The following SERAC1 variants were observed in gnomAD, a reference collection of about 807,000 sequenced individuals.
SERAC1 encodes protein SERAC1.
In SERAC1, 36 loss-of-function variants were observed where a neutral mutation model predicts 85.7. The ratio of observed to expected loss-of-function variants is 0.42; its 90% CI spans 0.32 to 0.55. SERAC1 has a LOEUF of 0.55. SERAC1 is among the 20% of genes least tolerant of loss of function. SERAC1 has a pLI of 0.11. For synonymous variants in SERAC1, 242 were observed against 265.3 expected (o/e 0.91, Z 0.85); for missense variants, 629 against 796.2 (o/e 0.79, Z 2.53).
At chr6:158,118,618 CAAAAAA>C (rs576637812) in intron 12 of SERAC1, among the ~76,000 whole-genome samples, 3 of 90,396 alleles carry the variant, frequency 3.3e-5, no homozygotes, top group South Asian at 8.1e-4. Context: ...ACCCTCATCT[CAAAAAA>C]AAAAAAAAAA....
rs577307715 is a variant in SERAC1 at position 158,119,498 on chromosome 6, A to G, written c.1167-328T>C. 9.2e-5 allele frequency among the ~76,000 whole-genome samples: 14 copies of G among 152,378 alleles called. No homozygotes were observed. In the East Asian group the frequency reaches 2.3e-3, roughly 25 times the overall value. The stretch of plus-strand genomic sequence containing the variant: ...AAAGACTTCCATTTGAGAATATTCT[A>G]CAAATCAATAAAAGTATTTAAGAAA... On this transcript the variant is annotated intron_variant, in intron 11 of 16. Transcript: ENST00000647468. The surrounding 1 kb of genome is among the most constrained non-coding windows in gnomAD (Gnocchi z 4.5).
chr6:158,110,998 T>G lies in SERAC1; in HGVS notation c.*368A>C, dbSNP rs1030504992. ...TCTTAATGGCATTTTTATGGTAAGT[T>G]GAGTTACCTCAGAACCTGCCGTGCC... On this transcript the variant is annotated 3_prime_UTR_variant, in exon 17 of 17. Coordinates refer to ENST00000647468, the MANE Select transcript of SERAC1 (RefSeq NM_032861.4). The G allele has an allele frequency of 6.3e-6, 1 of 159,576 alleles. No individual in the cohort carries two copies. Among genetic ancestry groups the G allele is most frequent in the African/African-American group, 2.4e-5 (1 of 41,744 alleles). The allele number at this position is 159,576 out of a possible 1,614,324, so 9.9% of individuals were successfully genotyped here.
chr6:158,158,342 C>T lies in SERAC1; in HGVS notation c.22G>A (p.Val8Ile), dbSNP rs115387731. 5.4e-4 allele frequency: 872 copies of T among 1,613,486 alleles called. No homozygotes were observed. Among genetic ancestry groups the T allele is most frequent in the East Asian group, 3.1e-3 (137 of 44,864 alleles). The change falls in exon 2 of 17, where the codon GTC (valine) becomes ATC (isoleucine). Residue 8 changes from valine (V) to isoleucine (I), a missense_variant. Physicochemically the swap from Val to Ile is conservative, Grantham distance 29. Transcript: ENST00000647468. MSLAAYCVICCRRIGTST... is the reference protein window; with the variant it reads MSLAAYCIICCRRIGTST... ...GTTCCTATTCTTCTGCAACAGATGA[C>T]GCAATAAGCAGCCAGGGACATTCTG... is the stretch of plus-strand genomic sequence containing the variant.
Position 158,109,544 on chromosome 6 carries a change from G to A in SERAC1, c.*1822C>T, listed in dbSNP as rs773050551. The A allele has an allele frequency of 6.6e-6, 1 of 152,080 alleles. No individual in the cohort carries two copies. Among genetic ancestry groups the A allele is most frequent in the Non-Finnish European group, 1.5e-5 (1 of 68,030 alleles). 9.4% of individuals were successfully genotyped at this position (152,080 alleles called of 1,614,324 possible). On this transcript the variant is annotated 3_prime_UTR_variant, in exon 17 of 17. Transcript: ENST00000647468. ...TTGTTGATATCGAGTTTATTGATGA[G>A]CCATTTACCTTCAGATGCCATACTC...
At chr6:158,165,441 C>A (rs2128426609) in intron 1 of SERAC1, among the ~76,000 whole-genome samples, 1 of 152,322 alleles carries the variant, frequency 6.6e-6, no homozygotes, top group Non-Finnish European at 1.5e-5. Context: ...AAGCGTGAGC[C>A]ACCGTGCCCG....
At position 158,116,285 on chromosome 6, in the gene SERAC1, G is replaced by A; in HGVS notation, c.1404-3C>T. 6.2e-7 allele frequency: 1 copy of A among 1,613,090 alleles called. No individual in the cohort carries two copies. Among genetic ancestry groups the A allele is most frequent in the Non-Finnish European group, 8.5e-7 (1 of 1,179,204 alleles). On this transcript the variant is annotated splice_polypyrimidine_tract_variant and splice_region_variant and intron_variant, in intron 13 of 16. Coordinates refer to ENST00000647468, the MANE Select transcript of SERAC1 (RefSeq NM_032861.4). ...TGCTTCTGAATGCAATGGACTTTCT[G>A]AACAAAACAAAAACAGCAGGCATGA...
At chr6:158,126,124 A>G (rs927329755) in intron 10 of SERAC1, among the ~76,000 whole-genome samples, 3 of 152,170 alleles carry the variant, frequency 2.0e-5, no homozygotes, top group African/African-American at 7.2e-5. Context: ...GTATGTATGT[A>G]TATCTATATA....
intron 8 of SERAC1, among the ~76,000 whole-genome samples, chr6:158,141,376 A>T (rs1339194617): frequency 1.3e-5 from 2 of 152,134 alleles, no homozygotes; most frequent in African/African-American, 4.8e-5. Flanking sequence ...TGATTATACA[A>T]CTCTATGAGT....
intron 15 of SERAC1, among the ~76,000 whole-genome samples, chr6:158,114,214 C>A (rs369764132): frequency 6.6e-6 from 1 of 152,106 alleles, no homozygotes; most frequent in East Asian, 1.9e-4. Flanking sequence ...AAGGCACGTA[C>A]GGAAAACACA....
At chr6:158,152,602 C>G (rs568292487) in intron 3 of SERAC1, among the ~76,000 whole-genome samples, 15 of 152,180 alleles carry the variant, frequency 9.9e-5, no homozygotes, top group Non-Finnish European at 2.1e-4. Flanking sequence ...GGCCCTCACT[C>G]TCACTCACCC....
At position 158,111,415 on chromosome 6, in the gene SERAC1, C is replaced by T. The variant is rs768913919; in HGVS notation, c.1916G>A (p.Arg639His). 72 of 1,610,536 alleles carry T rather than the reference C, an allele frequency of 4.5e-5. 1 individual carries two copies. The Middle Eastern group carries it at 5.0e-4, about 11-fold the overall frequency. ...PKKKDAFLYQ[R>H]TLQFIREALA... ...AGCTTCACGAATGAATTGTAAAGTACGCTGGTACAAAAAAGCATCCTTTTT... is the reference window on the plus strand; with the variant it reads ...AGCTTCACGAATGAATTGTAAAGTATGCTGGTACAAAAAAGCATCCTTTTT... The change falls in exon 17 of 17, where the codon CGT becomes CAT. Residue 639 changes from arginine (R) to histidine (H), a missense_variant. Physicochemically the swap from Arg to His is conservative, Grantham distance 29. Coordinates refer to ENST00000647468, the MANE Select transcript of SERAC1 (RefSeq NM_032861.4).
At chr6:158,151,299 T>C (rs1002895419) in intron 3 of SERAC1, among the ~76,000 whole-genome samples, 6 of 152,182 alleles carry the variant, frequency 3.9e-5, no homozygotes, top group Non-Finnish European at 5.9e-5. Flanking sequence ...TAGTCTCAGC[T>C]ATTCGGGAGG....
At chr6:158,162,148 C>T (rs1403491692) in intron 1 of SERAC1, 1 of 152,188 alleles carries the variant, frequency 6.6e-6, no homozygotes, top group African/African-American at 2.4e-5. Flanking sequence ...GTCTTCTTAC[C>T]ATTCCTGATT....
chr6:158,115,029 T>C, intron 14 of SERAC1, 58 bp from the exon 15 acceptor site: 1 of 1,524,722 alleles, frequency 6.6e-7, no homozygotes, highest in Non-Finnish European at 8.8e-7. Context: ...CCTTTATTAC[T>C]GTAAAAAAAG....
At position 158,144,285 on chromosome 6, in the gene SERAC1, AT is replaced by A; in HGVS notation, c.609+13del. 1 of 1,593,190 alleles carries A rather than the reference AT, an allele frequency of 6.3e-7. No individual in the cohort carries two copies. Among genetic ancestry groups the A allele is most frequent in the East Asian group, 2.2e-5 (1 of 44,658 alleles). On this transcript the variant is annotated intron_variant, in intron 7 of 16. Coordinates refer to ENST00000647468, the MANE Select transcript of SERAC1 (RefSeq NM_032861.4). ...TTTCACTCTCTAAATTACTATTATT[AT>A]TGTTTTACTTACTTCTTTTAAAGAT...
chr6:158,167,090 GGAGGCAAT>G (rs1785615721), intron 1 of SERAC1, among the ~76,000 whole-genome samples: 2 of 151,974 alleles, frequency 1.3e-5, no homozygotes, highest in Non-Finnish European at 2.9e-5. Flanking sequence ...AAGAAGACTT[GGAGGCAAT>G]TTTTTTATTT....
At chr6:158,139,390 T>C (rs1007557006) in intron 8 of SERAC1, among the ~76,000 whole-genome samples, 1 of 152,150 alleles carries the variant, frequency 6.6e-6, no homozygotes, top group African/African-American at 2.4e-5. Flanking sequence ...TATAAAGAAC[T>C]CTTACAACTC....
intron 3 of SERAC1, among the ~76,000 whole-genome samples, chr6:158,152,208 CT>C (rs1397279619): frequency 6.6e-6 from 1 of 152,156 alleles, no homozygotes; most frequent in Non-Finnish European, 1.5e-5. Flanking sequence ...CAGTGAGACT[CT>C]GCCTTTAAAG....
chr6:158,144,489 C>T (rs1785006102), intron 6 of SERAC1, 69 bp from the exon 7 acceptor site: 1 of 1,439,648 alleles, frequency 6.9e-7, no homozygotes. Context: ...ATTAACTGAA[C>T]AAACAACTTG....
Sources: allele counts gnomAD v4.1 joint callset (sites outside exome capture counted in the v4.1 genomes callset), GRCh38; gene constraint gnomAD v4.1.1; non-coding constraint Gnocchi (gnomAD v3.1); transcripts MANE v1.5; gene names NCBI Gene and HGNC (gene_info 2026-07-23, HGNC 2026-07-21).